ZNF284: variants seen among roughly 807,000 people sequenced by gnomAD.
The protein encoded by ZNF284 is zinc finger protein 284.
A neutral mutation model predicts 12.9 loss-of-function variants in ZNF284; 12 were observed. That is an observed-to-expected ratio of 0.93 (90% CI 0.60 to 1.51). ZNF284 has a LOEUF of 1.51. Ranked by LOEUF, ZNF284 falls within the 40% of genes most tolerant of loss-of-function variation. The pLI, the probability that ZNF284 is intolerant of heterozygous loss-of-function variation, is 0.00. For missense variants in ZNF284, 667 were observed against 707.3 expected (o/e 0.94, Z 0.65); for synonymous variants, 225 against 236.5 (o/e 0.95, Z 0.45).
chr19:44,081,961 A>G (rs987203514), intron 3 of ZNF284, 52 bp from the exon 4 acceptor site: 2 of 1,468,632 alleles, frequency 1.4e-6, no homozygotes, highest in East Asian at 2.3e-5. Flanking sequence ...CTAAATTTCT[A>G]GTAAATTTTA....
chr19:44,081,326 A>G (rs113433955), intron 3 of ZNF284, among the ~76,000 whole-genome samples, 185 bp downstream of exon 3: 78 of 152,140 alleles, frequency 5.1e-4, no homozygotes, highest in African/African-American at 1.8e-3. Context: ...GGAAACTTAC[A>G]GTCATGGTGG....
intron 2 of ZNF284, among the ~76,000 whole-genome samples, chr19:44,076,729 T>G (rs1967033353): frequency 6.6e-6 from 1 of 152,208 alleles, no homozygotes; most frequent in African/African-American, 2.4e-5. Context: ...GTATTGATAC[T>G]TATCTAATTT....
In ZNF284 at chr19:44,086,342, A is replaced by G; in HGVS notation, c.864A>G (p.Lys288=). The G allele has an allele frequency of 1.2e-6, 2 of 1,614,158 alleles. No homozygotes were observed. Among genetic ancestry groups the G allele is most frequent in the African/African-American group, 1.3e-5 (1 of 75,058 alleles). ...TCCATACTGGGGAGAAGCCATTCAA[A>G]TGTTATATATGTGGTAAGAGCTTCC... ...QRIHTGEKPF[K]CYICGKSFHS... is the part of the protein sequence containing the mutation. The change falls in exon 5 of 5, where the codon AAA becomes AAG. Residue 288 remains lysine (K), a synonymous_variant. Coordinates refer to ENST00000421176, the MANE Select transcript of ZNF284 (RefSeq NM_001037813.4).
rs1435032212 is a variant in ZNF284 at position 44,083,472 on chromosome 19, T to TAG, written c.235+1368_235+1369insGA. On this transcript the variant is annotated intron_variant, in intron 4 of 4. Coordinates refer to ENST00000421176, the MANE Select transcript of ZNF284 (RefSeq NM_001037813.4). ...AGAAATATATATATATATATATATA[T>TAG]ATAGAGAGAGAGAGAGAGAGAGAGA... Among the ~76,000 whole-genome samples the TAG allele has an allele frequency of 4.7e-3, 305 of 64,578 alleles. 9 individuals are homozygous for TAG. The highest frequency in any genetic ancestry group is 0.012 in the East Asian group (37 of 2,992). The allele number at this position is 64,578 out of a possible 152,430, so 42.4% of individuals were successfully genotyped here. A position where few individuals can be genotyped will look rare whatever the true frequency, so the allele number is the denominator to read the frequency against.
In ZNF284 at chr19:44,086,921, A is replaced by C; in HGVS notation, c.1443A>C (p.Lys481Asn). 6.2e-7 allele frequency: 1 copy of C among 1,614,186 alleles called. No homozygotes were observed. The highest frequency in any genetic ancestry group is 8.5e-7 in the Non-Finnish European group (1 of 1,180,038). ...LRHKRLHTGE[K>N]PFKCEECGKR... is the part of the protein sequence containing the mutation. Reference sequence around the variant, plus strand: ...ATAAGAGACTCCATACTGGAGAAAAACCATTCAAATGTGAAGAGTGTGGGA... The same window carrying C: ...ATAAGAGACTCCATACTGGAGAAAACCCATTCAAATGTGAAGAGTGTGGGA... Residue 481 changes from lysine to asparagine, a missense_variant, in exon 5 of 5, where the codon AAA (lysine) becomes AAC (asparagine). Lys to Asn is a moderately conservative substitution (Grantham distance 94). Coordinates refer to ENST00000421176, the MANE Select transcript of ZNF284 (RefSeq NM_001037813.4).
chr19:44,083,486 G>T (rs1399393037), intron 4 of ZNF284, among the ~76,000 whole-genome samples: 24,477 of 72,994 alleles, frequency 0.34, 6,535 homozygotes, highest in Non-Finnish European at 0.52. Context: ...GAGAGAGAGA[G>T]AGAGAGAGAG....
At position 44,088,890 on chromosome 19, in the gene ZNF284, G is replaced by A. The variant is rs1052463416; in HGVS notation, c.*1630G>A. The A allele has an allele frequency of 4.0e-5, 6 of 148,464 alleles. No individual in the cohort carries two copies. Among genetic ancestry groups the A allele is most frequent in the Middle Eastern group, 3.2e-3 (1 of 316 alleles). 9.2% of individuals were successfully genotyped at this position (148,464 alleles called of 1,614,324 possible). ...GACTGGCATGCAGTGGAATGATCAC[G>A]GCTCCCTGCAGCCTTGACCTCCCAG... is the stretch of plus-strand genomic sequence containing the variant. On this transcript the variant is annotated 3_prime_UTR_variant, in exon 5 of 5. Transcript: ENST00000421176.
chr19:44,075,848 C>T (rs1967017471), intron 1 of ZNF284, among the ~76,000 whole-genome samples: 1 of 152,106 alleles, frequency 6.6e-6, no homozygotes, highest in African/African-American at 2.4e-5. Flanking sequence ...GTGGAATAAC[C>T]ATGATCATGA....
In ZNF284 at chr19:44,087,096, C is replaced by T; in HGVS notation, c.1618C>T (p.Gln540Ter). 6.2e-7 allele frequency: 1 copy of T among 1,614,076 alleles called. No homozygotes were observed. The highest frequency in any genetic ancestry group is 2.2e-5 in the East Asian group (1 of 44,878). ...ACTCCACAGCAGAGAAAAACTATTC[C>T]AATGTGAGGATTGTGGGAAGAGCAG... ...QRLHSREKLF[Q>*]CEDCGKSSEH... Residue 540 changes from glutamine to a stop codon, truncating the protein, a stop_gained, in exon 5 of 5, where the codon CAA becomes TAA. Coordinates refer to ENST00000421176, the MANE Select transcript of ZNF284 (RefSeq NM_001037813.4). LOFTEE classifies it low-confidence loss of function (END_TRUNC).
chr19:44,086,951 G>T lies in ZNF284; in HGVS notation c.1473G>T (p.Arg491Ser), dbSNP rs779288938. 2.7e-5 allele frequency: 44 copies of T among 1,614,042 alleles called. No homozygotes were observed. The highest frequency in any genetic ancestry group is 3.6e-5 in the Non-Finnish European group (42 of 1,180,038). ...KPFKCEECGK[R>S]FTENSKLRFH... ...TCAAATGTGAAGAGTGTGGGAAGAG[G>T]TTTACTGAGAATTCAAAACTTCGTT... Residue 491 changes from arginine (R) to serine (S), a missense_variant, in exon 5 of 5, where the codon AGG becomes AGT. By Grantham distance (110) the Arg-to-Ser change is moderately radical. Transcript: ENST00000421176.
chr19:44,083,862 G>C (rs756955254), intron 4 of ZNF284, among the ~76,000 whole-genome samples: 1 of 152,102 alleles, frequency 6.6e-6, no homozygotes, highest in Non-Finnish European at 1.5e-5. Flanking sequence ...GTGCAGGTGA[G>C]TGTCAGCGGT....
chr19:44,073,171 T>C (rs1286563302), intron 1 of ZNF284, among the ~76,000 whole-genome samples: 2 of 152,252 alleles, frequency 1.3e-5, no homozygotes, highest in African/African-American at 4.8e-5. Flanking sequence ...GCAGGAGTTA[T>C]CTGAGAATAG....
At chr19:44,078,469 T>C (rs1967068546) in intron 2 of ZNF284, among the ~76,000 whole-genome samples, 1 of 152,240 alleles carries the variant, frequency 6.6e-6, no homozygotes, top group Non-Finnish European at 1.5e-5. Context: ...TTATAGTTTA[T>C]TCTTATTCTT....
At chr19:44,081,437 C>T (rs1568521646) in intron 3 of ZNF284, among the ~76,000 whole-genome samples, 2 of 151,982 alleles carry the variant, frequency 1.3e-5, no homozygotes, top group Non-Finnish European at 2.9e-5. Flanking sequence ...TAGGGCCGGG[C>T]GCGGTGGCTC....
At position 44,086,558 on chromosome 19, in the gene ZNF284, G is replaced by A; in HGVS notation, c.1080G>A (p.Lys360=). ...RSFTCRQDLC[K]HQMDHTGDKP... is the part of the protein sequence containing the mutation. The stretch of plus-strand genomic sequence containing the variant: ...TCACTTGTAGGCAAGATCTTTGTAA[G>A]CATCAGATGGACCATACAGGAGACA... The change falls in exon 5 of 5, where the codon AAG becomes AAA. Residue 360 remains lysine, a synonymous_variant. Transcript: ENST00000421176. The A allele has an allele frequency of 6.2e-7, 1 of 1,614,156 alleles. No individual in the cohort carries two copies. The highest frequency in any genetic ancestry group is 8.5e-7 in the Non-Finnish European group (1 of 1,180,028).
intron 4 of ZNF284, among the ~76,000 whole-genome samples, chr19:44,083,470 T>TAGAGAGAGAGAG (rs1282885377): frequency 4.7e-5 from 3 of 64,510 alleles, no homozygotes; most frequent in East Asian, 3.2e-4. Flanking sequence ...TATATATATA[T>TAGAGAGAGAGAG]ATATAGAGAG....
intron 3 of ZNF284, among the ~76,000 whole-genome samples, chr19:44,081,715 AAAAAAC>A (rs549068237): frequency 6.3e-4 from 96 of 152,230 alleles, no homozygotes; most frequent in African/African-American, 1.9e-3. Flanking sequence ...CCGTCTCAAA[AAAAAAC>A]AAAAACAAAA....
At position 44,089,544 on chromosome 19, in the gene ZNF284, C is replaced by T. The variant is rs1270000115; in HGVS notation, c.*2284C>T. The T allele has an allele frequency of 6.6e-6, 1 of 152,152 alleles. No homozygotes were observed. Among genetic ancestry groups the T allele is most frequent in the Non-Finnish European group, 1.5e-5 (1 of 68,032 alleles). The allele number at this position is 152,152 out of a possible 1,614,324, so 9.4% of individuals were successfully genotyped here. On this transcript the variant is annotated 3_prime_UTR_variant, in exon 5 of 5. Coordinates refer to ENST00000421176, the MANE Select transcript of ZNF284 (RefSeq NM_001037813.4). ...GTTTCAAATGTGAAGACAACCCTAACCATACTCATTATCTGTAAAAGATGT... is the reference window on the plus strand; with the variant it reads ...GTTTCAAATGTGAAGACAACCCTAATCATACTCATTATCTGTAAAAGATGT...
At chr19:44,082,799 C>T (rs189540145) in intron 4 of ZNF284, among the ~76,000 whole-genome samples, 4 of 152,284 alleles carry the variant, frequency 2.6e-5, no homozygotes, top group Non-Finnish European at 5.9e-5. Flanking sequence ...TCTTAAGCCT[C>T]TGTTTTCCAC....
Sources: allele counts gnomAD v4.1 joint callset (sites outside exome capture counted in the v4.1 genomes callset), GRCh38; gene constraint gnomAD v4.1.1; transcripts MANE v1.5; gene names NCBI Gene and HGNC (gene_info 2026-07-23, HGNC 2026-07-21).